The following SENP7 variants were observed in gnomAD, a reference collection of about 807,000 sequenced individuals.
SENP7 encodes the protein sentrin-specific protease 7.
SENP7 carries 64 observed loss-of-function variants against 141.2 expected under a neutral mutation model. The observed-to-expected ratio is 0.45, with a 90% CI of 0.37 to 0.56. The LOEUF is 0.56. Ranked by LOEUF, SENP7 falls within the 20% of genes least tolerant of loss-of-function variation. The probability of loss-of-function intolerance (pLI) is 0.00; values close to 1 mark genes in which losing one functional copy is unlikely to be tolerated. For synonymous variants in SENP7, 382 were observed against 426.4 expected (o/e 0.90, Z 1.28); for missense variants, 1,025 against 1,212.2 (o/e 0.85, Z 2.29).
intron 6 of SENP7, among the ~76,000 whole-genome samples, chr3:101,374,058 A>C (rs1158885151): frequency 6.6e-6 from 1 of 152,242 alleles, no homozygotes; most frequent in Non-Finnish European, 1.5e-5. Flanking sequence ...ATATACTTTA[A>C]AATTATAAAA....
At chr3:101,345,468 T>C (rs1187356898) in intron 13 of SENP7, among the ~76,000 whole-genome samples, 1 of 152,218 alleles carries the variant, frequency 6.6e-6, no homozygotes, top group Non-Finnish European at 1.5e-5. Flanking sequence ...CTAGCTATAT[T>C]CCTAAGTATT....
intron 3 of SENP7, among the ~76,000 whole-genome samples, chr3:101,471,346 C>G (rs534601770): frequency 7.1e-4 from 108 of 152,188 alleles, no homozygotes; most frequent in African/African-American, 2.3e-3. Flanking sequence ...GAAATAACAC[C>G]ACACATTTAC....
rs150146331 is a variant in SENP7 at position 101,428,668 on chromosome 3, G to C, written c.285-10878C>G. On this transcript the variant is annotated intron_variant, in intron 4 of 23. Coordinates refer to ENST00000394095, the MANE Select transcript of SENP7 (RefSeq NM_020654.5). ...AGGTTGCCTGTTCACTCAGCTGATA[G>C]TTTCTTTTGCTGTGCAGAAGCTCTT... is the stretch of plus-strand genomic sequence containing the variant. Among the ~76,000 whole-genome samples, 1,134 of 152,304 alleles carry C rather than the reference G, an allele frequency of 7.4e-3. 9 individuals carry two copies. Among genetic ancestry groups the C allele is most frequent in the Non-Finnish European group, 0.011 (776 of 68,028 alleles).
chr3:101,363,767 C>T (rs1366668519), intron 10 of SENP7, among the ~76,000 whole-genome samples: 1 of 152,136 alleles, frequency 6.6e-6, no homozygotes, highest in Non-Finnish European at 1.5e-5. Flanking sequence ...ATAATCAGAC[C>T]AAACTGTTTT....
chr3:101,338,665 G>T (rs955977677), intron 16 of SENP7, among the ~76,000 whole-genome samples: 3 of 152,194 alleles, frequency 2.0e-5, no homozygotes, highest in African/African-American at 7.2e-5. Context: ...CCGAATGTAT[G>T]TGAGGAAAGT....
chr3:101,366,406 CTT>C (rs1401621883), intron 9 of SENP7, 22 bp downstream of exon 9: 1 of 1,479,526 alleles, frequency 6.8e-7, no homozygotes, highest in East Asian at 2.3e-5. Flanking sequence ...AATTAAGTAA[CTT>C]TATAATCCTC....
intron 5 of SENP7, among the ~76,000 whole-genome samples, chr3:101,406,827 C>G (rs765061502): frequency 6.6e-6 from 1 of 152,062 alleles, no homozygotes; most frequent in African/African-American, 2.4e-5. Flanking sequence ...GGCAAAAGCA[C>G]CAGGTAACCT....
intron 5 of SENP7, among the ~76,000 whole-genome samples, chr3:101,409,126 A>G (rs961960106): frequency 3.3e-5 from 5 of 152,188 alleles, no homozygotes; most frequent in Non-Finnish European, 7.3e-5. Context: ...CAGCTCTTCT[A>G]TACACCAACA....
At chr3:101,402,336 A>G (rs771622126) in intron 5 of SENP7, among the ~76,000 whole-genome samples, 2 of 152,166 alleles carry the variant, frequency 1.3e-5, no homozygotes, top group Non-Finnish European at 2.9e-5. Flanking sequence ...GAATTATGCT[A>G]AATTGGGCCA....
intron 6 of SENP7, among the ~76,000 whole-genome samples, chr3:101,386,454 C>G (rs1017965781): frequency 6.6e-6 from 1 of 152,160 alleles, no homozygotes; most frequent in Non-Finnish European, 1.5e-5. Context: ...TCCCACACAT[C>G]CCCTGAGACT....
intron 7 of SENP7, among the ~76,000 whole-genome samples, chr3:101,368,587 TG>T (rs1396131081): frequency 3.5e-5 from 1 of 28,822 alleles, no homozygotes; most frequent in Non-Finnish European, 6.2e-5. Flanking sequence ...GGGTGGGGGG[TG>T]GGGGGAGGGG....
intron 6 of SENP7, among the ~76,000 whole-genome samples, chr3:101,373,337 T>A (rs2107446420): frequency 6.6e-6 from 1 of 152,208 alleles, no homozygotes; most frequent in East Asian, 1.9e-4. Flanking sequence ...TAAGGGCATC[T>A]AAGCAAATTT....
intron 6 of SENP7, among the ~76,000 whole-genome samples, chr3:101,384,798 C>T (rs559167815): frequency 3.9e-5 from 6 of 152,266 alleles, no homozygotes; most frequent in African/African-American, 9.6e-5. Context: ...CACCAGCTGG[C>T]GAAGCAACAC....
At chr3:101,492,581 T>C (rs180847280) in intron 3 of SENP7, among the ~76,000 whole-genome samples, 69 of 152,234 alleles carry the variant, frequency 4.5e-4, no homozygotes, top group Middle Eastern at 3.4e-3. Flanking sequence ...CCCAATCCAA[T>C]AGGACTAATG....
intron 5 of SENP7, 48 bp from the exon 6 acceptor site, chr3:101,399,103 A>T (rs1017133227): frequency 9.9e-7 from 1 of 1,010,704 alleles, no homozygotes; most frequent in Non-Finnish European, 1.3e-6. Context: ...GTTTTCAGTT[A>T]AAAAAAAATG....
At chr3:101,425,506 A>T (rs1576310685) in intron 4 of SENP7, among the ~76,000 whole-genome samples, 1 of 152,296 alleles carries the variant, frequency 6.6e-6, no homozygotes, top group South Asian at 2.1e-4. Context: ...AAAAGACTCT[A>T]CCCAAAGGTT....
At chr3:101,458,932 T>C (rs371979714) in intron 4 of SENP7, 23 bp downstream of exon 4, 10 of 1,395,220 alleles carry the variant, frequency 7.2e-6, no homozygotes, top group Admixed American at 3.7e-5. Context: ...GCCCATACTA[T>C]GTCGCACACA....
At chr3:101,359,550 C>A (rs1389852016) in intron 11 of SENP7, among the ~76,000 whole-genome samples, 1 of 151,834 alleles carries the variant, frequency 6.6e-6, no homozygotes, top group African/African-American at 2.4e-5. Context: ...CTTTACAATG[C>A]TTACTGAATA....
At chr3:101,417,336 C>G (rs57544780) in intron 5 of SENP7, among the ~76,000 whole-genome samples, 3,617 of 152,088 alleles carry the variant, frequency 0.024, 147 homozygotes, top group African/African-American at 0.082. Context: ...GTACATGTAT[C>G]AAATTTAAAT....
Sources: allele counts gnomAD v4.1 joint callset (sites outside exome capture counted in the v4.1 genomes callset), GRCh38; gene constraint gnomAD v4.1.1; transcripts MANE v1.5; gene names NCBI Gene and HGNC (gene_info 2026-07-23, HGNC 2026-07-21).